Variants in ZNF45 observed in about 807,000 individuals in gnomAD.
The protein encoded by ZNF45 is zinc finger protein 45.
In ZNF45, 4 loss-of-function variants were observed where a neutral mutation model predicts 12.0. That is an observed-to-expected ratio of 0.33 (90% confidence interval 0.16 to 0.76). The LOEUF is 0.76. Among genes scored for constraint, ZNF45 ranks in the 30% least tolerant of loss-of-function variants. ZNF45 has a pLI of 0.60. For missense variants in ZNF45, 700 were observed against 813.0 expected, an observed-to-expected ratio of 0.86 and a Z score of 1.69; for synonymous variants, 272 against 279.6, an observed-to-expected ratio of 0.97 and a Z score of 0.27.
Position 43,914,310 on chromosome 19 carries a change from G to T in ZNF45, c.1126C>A (p.Gln376Lys), listed in dbSNP as rs1377208650. ...CCAGTGTGGCTTATCTGATGGGCCT[G>T]AAGGTGTGAACCCACACTGAAACCT... ...GKGFSVGSHL[Q>K]AHQISHTGEK... Residue 376 changes from glutamine to lysine, a missense_variant, in exon 10 of 10, where the codon CAG becomes AAG. Physicochemically the swap from Gln to Lys is moderately conservative, Grantham distance 53 (BLOSUM62 1). Transcript: ENST00000269973. 1 of 1,612,876 alleles carries T rather than the reference G, an allele frequency of 6.2e-7. No homozygotes were observed. The highest frequency in any genetic ancestry group is 1.7e-5 in the Admixed American group (1 of 59,978).
At position 43,913,859 on chromosome 19, in the gene ZNF45, TTCTC is replaced by T; in HGVS notation, c.1573_1576del (p.Glu525AsnfsTer14). The T allele has an allele frequency of 1.2e-6, 2 of 1,613,758 alleles. No individual in the cohort carries two copies. Among genetic ancestry groups the T allele is most frequent in the Non-Finnish European group, 1.7e-6 (2 of 1,179,874 alleles). On this transcript the variant is annotated frameshift_variant, in exon 10 of 10. Coordinates refer to ENST00000269973, the MANE Select transcript of ZNF45 (RefSeq NM_003425.4). LOFTEE classifies it low-confidence loss of function (END_TRUNC). Reference sequence around the variant, plus strand: ...CCCACACTCTGCACACTGATATGGTTTCTCTCCAGTGTGAACTCTCTGATGCACC... The same window carrying T: ...CCCACACTCTGCACACTGATATGGTTTCCAGTGTGAACTCTCTGATGCACC...
rs1313932755 is a variant in ZNF45, at chr19:43,914,221, G to A, written c.1215C>T (p.Asp405=). The A allele has an allele frequency of 1.2e-6, 2 of 1,608,396 alleles. No individual in the cohort carries two copies. The highest frequency in any genetic ancestry group is 3.4e-5 in the Admixed American group (2 of 59,658). ...TCTCTCCAGTATGGCCTCTTTGATGGTCCAGCAGATTTGAGGCCCGGCAGA... is the reference window on the plus strand; with the variant it reads ...TCTCTCCAGTATGGCCTCTTTGATGATCCAGCAGATTTGAGGCCCGGCAGA... ...KGFCRASNLL[D]HQRGHTGEKP... is the part of the protein sequence containing the mutation. Residue 405 remains aspartate (D), a synonymous_variant, in exon 10 of 10, where the codon GAC becomes GAT. Coordinates refer to ENST00000269973, the MANE Select transcript of ZNF45 (RefSeq NM_003425.4).
chr19:43,928,687 A>C (rs1430738090), intron 3 of ZNF45, among the ~76,000 whole-genome samples: 1 of 152,224 alleles, frequency 6.6e-6, no homozygotes, highest in African/African-American at 2.4e-5. Context: ...ACTAACCCCA[A>C]TATACTATCC....
Position 43,913,320 on chromosome 19 carries a change from T to C in ZNF45, c.*67A>G. The C allele has an allele frequency of 8.6e-6, 13 of 1,503,326 alleles. No homozygotes were observed. The highest frequency in any genetic ancestry group is 1.2e-5 in the Non-Finnish European group (13 of 1,126,040). 93.1% of individuals were successfully genotyped at this position (1,503,326 alleles called of 1,614,324 possible). ...TGAACTACTGACTCTATAAAACAAA[T>C]GTTTTGTCTATGATAGCTCTGATTA... On this transcript the variant is annotated 3_prime_UTR_variant, in exon 10 of 10. Transcript: ENST00000269973.
At chr19:43,929,275 C>T (rs1433408351) in intron 3 of ZNF45, among the ~76,000 whole-genome samples, 1 of 152,244 alleles carries the variant, frequency 6.6e-6, no homozygotes, top group Non-Finnish European at 1.5e-5. Flanking sequence ...AAGGCCTAGC[C>T]ATGAGCTCCC....
At chr19:43,923,474 A>C (rs403137) in intron 6 of ZNF45, among the ~76,000 whole-genome samples, 1 of 151,908 alleles carries the variant, frequency 6.6e-6, no homozygotes, top group Non-Finnish European at 1.5e-5. Context: ...AAGCTTTATC[A>C]TAAGTATGTA....
chr19:43,925,648 G>A (rs1973613131), intron 3 of ZNF45, among the ~76,000 whole-genome samples, 190 bp from the exon 4 acceptor site: 1 of 152,166 alleles, frequency 6.6e-6, no homozygotes, highest in Non-Finnish European at 1.5e-5. Flanking sequence ...CTGAAATGGA[G>A]TCTTGCGCTG....
chr19:43,928,674 TCTACTAACCCCAATATA>T, intron 3 of ZNF45, among the ~76,000 whole-genome samples: 1 of 152,232 alleles, frequency 6.6e-6, no homozygotes, highest in Admixed American at 6.5e-5. Context: ...CTCCAATTTT[TCTACTAACCCCAATATA>T]CTATCCTATT....
chr19:43,929,276 A>G (rs1385598029), intron 3 of ZNF45, among the ~76,000 whole-genome samples: 4 of 152,210 alleles, frequency 2.6e-5, no homozygotes, highest in Admixed American at 2.0e-4. Context: ...AGGCCTAGCC[A>G]TGAGCTCCCG....
chr19:43,924,207 A>G (rs1307093109), intron 6 of ZNF45, 31 bp downstream of exon 6: 1 of 152,242 alleles, frequency 6.6e-6, no homozygotes, highest in Non-Finnish European at 1.5e-5. Context: ...AACTTGGCAC[A>G]TGATGTTTCA....
Position 43,914,390 on chromosome 19 carries a change from ATATT to A in ZNF45, c.1042_1045del (p.Asn348PhefsTer32), listed in dbSNP as rs750848369. 2 of 1,610,554 alleles carry A rather than the reference ATATT, an allele frequency of 1.2e-6. No homozygotes were observed. The highest frequency in any genetic ancestry group is 1.7e-6 in the Non-Finnish European group (2 of 1,177,880). ...CTCTCCTGTGTGGATTCTACAATGA[ATATT>A]AAGGTGTGAGCTGTAACTAAAGCTC... On this transcript the variant is annotated frameshift_variant, in exon 10 of 10. Transcript: ENST00000269973. LOFTEE classifies it low-confidence loss of function (END_TRUNC).
intron 7 of ZNF45, 151 bp downstream of exon 7, chr19:43,922,020 C>T: frequency 1.6e-6 from 1 of 622,624 alleles, no homozygotes; most frequent in Non-Finnish European, 2.5e-6. Context: ...AATTAAACAA[C>T]ACAAAAGTAA....
In ZNF45 at chr19:43,914,112, T is replaced by C. The variant is rs757811492; in HGVS notation, c.1324A>G (p.Lys442Glu). 1.1e-5 allele frequency: 18 copies of C among 1,613,998 alleles called. No homozygotes were observed. Among genetic ancestry groups the C allele is most frequent in the Non-Finnish European group, 1.5e-5 (18 of 1,180,006 alleles). The change falls in exon 10 of 10, where the codon AAA (lysine) becomes GAA (glutamate). Residue 442 changes from lysine to glutamate, a missense_variant. Coordinates refer to ENST00000269973, the MANE Select transcript of ZNF45 (RefSeq NM_003425.4). ...NIHFRVHTGE[K>E]PYKCEECGKG... Reference sequence around the variant, plus strand: ...CCACACTCCTCACATTTATAGGGTTTTTCCCCTGTATGGACTCTAAAATGA... The same window carrying C: ...CCACACTCCTCACATTTATAGGGTTCTTCCCCTGTATGGACTCTAAAATGA...
Position 43,928,421 on chromosome 19 carries a change from A to C in ZNF45, c.-399-2963T>G, listed in dbSNP as rs1407815811. Among the ~76,000 whole-genome samples, 3 of 152,112 alleles carry C rather than the reference A, an allele frequency of 2.0e-5. No homozygotes were observed. The East Asian group carries it at 5.8e-4, about 29-fold the overall frequency. On this transcript the variant is annotated intron_variant, in intron 3 of 9. Transcript: ENST00000269973. ...CCAGAAAAAATAACTCATGGGTACT[A>C]GGCTTAATACCTGGGTGACAAAATA...
intron 7 of ZNF45, among the ~76,000 whole-genome samples, chr19:43,921,301 A>G (rs939953116): frequency 6.6e-6 from 1 of 152,248 alleles, no homozygotes; most frequent in Non-Finnish European, 1.5e-5. Context: ...GAATAAATAC[A>G]GTAAGAGAAG....
intron 9 of ZNF45, among the ~76,000 whole-genome samples, chr19:43,916,635 G>A (rs1156880139): frequency 6.6e-6 from 1 of 152,132 alleles, no homozygotes; most frequent in African/African-American, 2.4e-5. Flanking sequence ...CATCACCCAA[G>A]AGCTCTGCCT....
At chr19:43,922,279 A>G in intron 6 of ZNF45, 62 bp from the exon 7 acceptor site, 1 of 1,189,150 alleles carries the variant, frequency 8.4e-7, no homozygotes, top group African/African-American at 1.5e-5. Flanking sequence ...TTGGCCAAAA[A>G]AAAAACCATA....
chr19:43,932,813 A>G (rs1974235711), intron 2 of ZNF45, 123 bp from the exon 3 acceptor site: 1 of 152,250 alleles, frequency 6.6e-6, no homozygotes, highest in African/African-American at 2.4e-5. Flanking sequence ...TTCTCACATA[A>G]GTAGCATTCT....
At chr19:43,922,487 G>T (rs1973277806) in intron 6 of ZNF45, among the ~76,000 whole-genome samples, 1 of 152,038 alleles carries the variant, frequency 6.6e-6, no homozygotes, top group Non-Finnish European at 1.5e-5. Context: ...GGCTCTCAGG[G>T]TATGACTGAT....
Sources: allele counts gnomAD v4.1 joint callset (sites outside exome capture counted in the v4.1 genomes callset), GRCh38; gene constraint gnomAD v4.1.1; transcripts MANE v1.5; gene names NCBI Gene and HGNC (gene_info 2026-07-23, HGNC 2026-07-21).